The following RORA variants were observed in gnomAD, a reference collection of about 807,000 sequenced individuals.
RORA encodes the protein RAR related orphan receptor A, also known as nuclear receptor ROR-alpha.
In RORA, 7 loss-of-function variants were observed where a neutral mutation model predicts 69.5. The ratio of observed to expected loss-of-function variants is 0.10; its 90% CI spans 0.06 to 0.19. The LOEUF (loss-of-function observed/expected upper bound fraction) is 0.19. Ranked by LOEUF, RORA falls within the 10% of genes least tolerant of loss-of-function variation. The pLI, the probability that RORA is intolerant of heterozygous loss-of-function variation, is 1.00. For missense variants in RORA, 457 were observed against 663.0 expected, an observed-to-expected ratio of 0.69 and a Z score of 3.41; for synonymous variants, 261 against 240.8, an observed-to-expected ratio of 1.08 and a Z score of -0.78.
At chr15:60,755,038 G>C (rs2071778040) in intron 1 of RORA, among the ~76,000 whole-genome samples, 1 of 150,602 alleles carries the variant, frequency 6.6e-6, no homozygotes, top group Admixed American at 6.6e-5. Flanking sequence ...CAGTGTGCAG[G>C]TTTGTTACAT....
intron 1 of RORA, among the ~76,000 whole-genome samples, chr15:61,017,393 A>G (rs1895334607): frequency 6.6e-6 from 1 of 152,228 alleles, no homozygotes; most frequent in Non-Finnish European, 1.5e-5. Flanking sequence ...ATGCAGATGT[A>G]GCAGAAAGTA....
intron 1 of RORA, among the ~76,000 whole-genome samples, chr15:60,936,522 A>G (rs1892526803): frequency 6.6e-6 from 1 of 152,188 alleles, no homozygotes; most frequent in Admixed American, 6.5e-5. Flanking sequence ...ACAGAAGTGA[A>G]AATGTTTGCC....
At chr15:61,090,776 C>T (rs1341445320) in intron 1 of RORA, among the ~76,000 whole-genome samples, 2 of 152,154 alleles carry the variant, frequency 1.3e-5, no homozygotes, top group Admixed American at 6.5e-5. Flanking sequence ...TCAGTGGTCT[C>T]CAGCTACCAT....
chr15:60,527,435 C>T (rs1431354849), intron 3 of RORA, among the ~76,000 whole-genome samples: 3 of 152,258 alleles, frequency 2.0e-5, no homozygotes, highest in South Asian at 4.1e-4. Context: ...TTAACATCTA[C>T]AGCCTCTAGT....
At chr15:60,835,230 T>A (rs2073100800) in intron 1 of RORA, among the ~76,000 whole-genome samples, 1 of 152,150 alleles carries the variant, frequency 6.6e-6, no homozygotes, top group South Asian at 2.1e-4. Context: ...TCTGATCAAA[T>A]CAAGGGGCCC....
chr15:60,677,443 G>A (rs1385063590), intron 2 of RORA, among the ~76,000 whole-genome samples: 1 of 152,164 alleles, frequency 6.6e-6, no homozygotes, highest in Non-Finnish European at 1.5e-5. Context: ...CATGTGTCTA[G>A]TACGGGCCTG....
At chr15:60,643,729 G>A (rs1230067779) in intron 2 of RORA, among the ~76,000 whole-genome samples, 1 of 151,998 alleles carries the variant, frequency 6.6e-6, no homozygotes, top group Non-Finnish European at 1.5e-5. Context: ...ATTCCTATGA[G>A]CCTTTGAATG....
At chr15:61,077,050 G>A (rs2078462172) in intron 1 of RORA, among the ~76,000 whole-genome samples, 2 of 152,230 alleles carry the variant, frequency 1.3e-5, no homozygotes, top group Non-Finnish European at 1.5e-5. Context: ...TTTTGTTGCG[G>A]TAATGCCTTA....
intron 2 of RORA, among the ~76,000 whole-genome samples, chr15:60,602,105 G>C (rs2068826967): frequency 6.6e-6 from 1 of 152,146 alleles, no homozygotes; most frequent in African/African-American, 2.4e-5. Flanking sequence ...GACTTTCATA[G>C]ACCAGAATGT....
chr15:60,775,547 T>C (rs1400058077), intron 1 of RORA, among the ~76,000 whole-genome samples: 2 of 152,306 alleles, frequency 1.3e-5, no homozygotes, highest in African/African-American at 4.8e-5. Flanking sequence ...CTTGGATATT[T>C]CTGGTCTAAG....
intron 1 of RORA, among the ~76,000 whole-genome samples, chr15:60,777,792 G>A (rs1372995181): frequency 6.6e-6 from 1 of 152,098 alleles, no homozygotes; most frequent in East Asian, 1.9e-4. Context: ...GGCAGCACAG[G>A]GAATGAGTAA....
intron 1 of RORA, among the ~76,000 whole-genome samples, chr15:60,885,091 C>T (rs1385523638): frequency 6.6e-6 from 1 of 152,212 alleles, no homozygotes; most frequent in Non-Finnish European, 1.5e-5. Context: ...ATTTTTAACG[C>T]TCCCTTCAGT....
At chr15:60,739,223 G>A (rs764787145) in intron 1 of RORA, among the ~76,000 whole-genome samples, 3 of 152,124 alleles carry the variant, frequency 2.0e-5, no homozygotes, top group Non-Finnish European at 4.4e-5. Flanking sequence ...GTAGAAACCC[G>A]GGGTCTTCAG....
intron 1 of RORA, among the ~76,000 whole-genome samples, chr15:60,904,713 A>G (rs1891483504): frequency 6.6e-6 from 1 of 152,180 alleles, no homozygotes; most frequent in East Asian, 1.9e-4. Flanking sequence ...CTACCCATCT[A>G]AATGAGCACA....
intron 1 of RORA, among the ~76,000 whole-genome samples, chr15:61,086,397 G>T (rs1476011445): frequency 2.6e-5 from 4 of 152,220 alleles, no homozygotes; most frequent in Admixed American, 6.5e-5. Context: ...TTATGCTAAG[G>T]CATAGTTGTA....
rs369183090 is a variant in RORA at position 61,027,040 on chromosome 15, A to T, written c.166+202013T>A. 3.0e-4 allele frequency among the ~76,000 whole-genome samples: 45 copies of T among 151,634 alleles called. 2 individuals carry two copies. In the South Asian group the frequency reaches 6.9e-3, roughly 23 times the overall value. ...AAAAAGCTGTTGAATTTCACCATGCAGCTTCAACAGCATTTATCATTGTAA... is the reference window on the plus strand; with the variant it reads ...AAAAAGCTGTTGAATTTCACCATGCTGCTTCAACAGCATTTATCATTGTAA... On this transcript the variant is annotated intron_variant, in intron 1 of 10. Coordinates refer to ENST00000335670, the MANE Select transcript of RORA (RefSeq NM_134261.3).
At chr15:60,728,096 T>C (rs1484167368) in intron 1 of RORA, among the ~76,000 whole-genome samples, 2 of 152,338 alleles carry the variant, frequency 1.3e-5, no homozygotes, top group Admixed American at 6.5e-5. Context: ...TTTCCATTTT[T>C]CCTTGCATGT....
At chr15:60,722,398 C>G (rs1312569849) in intron 1 of RORA, among the ~76,000 whole-genome samples, 1 of 152,196 alleles carries the variant, frequency 6.6e-6, no homozygotes, top group Non-Finnish European at 1.5e-5. Flanking sequence ...TGCACTATTT[C>G]TTAGAACTTT....
chr15:60,671,210 A>G (rs1380818341), intron 2 of RORA, among the ~76,000 whole-genome samples: 7 of 151,708 alleles, frequency 4.6e-5, no homozygotes, highest in Non-Finnish European at 8.8e-5. Context: ...AAAGTTATAA[A>G]TGAATTACTA....
Sources: gnomAD v4.1 joint callset for allele counts (sites outside exome capture counted in the v4.1 genomes callset) on GRCh38, gnomAD v4.1.1 for gene constraint, MANE v1.5 for transcripts, NCBI Gene and HGNC (gene_info 2026-07-23, HGNC 2026-07-21) for gene names.